ZNF609: variants seen among roughly 807,000 people sequenced by gnomAD.
ZNF609 encodes the protein zinc finger protein 609.
Under a neutral mutation model 109.5 loss-of-function variants are expected in ZNF609, and 11 were observed. The observed-to-expected ratio is 0.10, with a 90% CI of 0.06 to 0.17. The LOEUF (loss-of-function observed/expected upper bound fraction) is 0.17, where lower values mean the gene tolerates loss of function less well. Among genes scored for constraint, ZNF609 ranks in the 10% least tolerant of loss-of-function variants. The pLI is 1.00. For synonymous variants in ZNF609, 646 were observed against 662.0 expected, an observed-to-expected ratio of 0.98 and a Z score of 0.37; for missense variants, 1,559 against 1,772.4, an observed-to-expected ratio of 0.88 and a Z score of 2.16.
intron 1 of ZNF609, among the ~76,000 whole-genome samples, chr15:64,484,953 G>A (rs1273859798): frequency 6.6e-6 from 1 of 152,060 alleles, no homozygotes; most frequent in Non-Finnish European, 1.5e-5. Context: ...CAGCTTGGGC[G>A]ACAGCGAGAC....
chr15:64,633,635 C>G (rs1896120617), intron 3 of ZNF609, among the ~76,000 whole-genome samples: 1 of 152,180 alleles, frequency 6.6e-6, no homozygotes, highest in Admixed American at 6.5e-5. Context: ...ATTTTGTTCA[C>G]ATTTGCCCTA....
chr15:64,584,575 C>T (rs1595728246), intron 2 of ZNF609, among the ~76,000 whole-genome samples: 1 of 152,176 alleles, frequency 6.6e-6, no homozygotes, highest in African/African-American at 2.4e-5. Context: ...GCTGGGATTA[C>T]AGGAATGAGC....
chr15:64,486,511 G>C (rs1327113355), intron 1 of ZNF609, among the ~76,000 whole-genome samples: 1 of 133,976 alleles, frequency 7.5e-6, no homozygotes, highest in Non-Finnish European at 1.6e-5. Flanking sequence ...GTGACAGAGT[G>C]AGACTCTGTC....
chr15:64,578,156 T>A lies in ZNF609; in HGVS notation c.748-44671T>A, dbSNP rs567712317. ...TTTAAGATTTATTTATTTATTTTTT[T>A]ATTTTTTTGAGACAGTCTTGCACTG... On this transcript the variant is annotated intron_variant, in intron 2 of 9. Transcript: ENST00000326648. Among the ~76,000 whole-genome samples the A allele has an allele frequency of 1.6e-3, 246 of 152,248 alleles. 7 individuals carry two copies. The South Asian group carries it at 0.048, about 30-fold the overall frequency.
At chr15:64,513,624 T>A (rs1239572494) in intron 2 of ZNF609, among the ~76,000 whole-genome samples, 1 of 152,204 alleles carries the variant, frequency 6.6e-6, no homozygotes, top group East Asian at 1.9e-4. Flanking sequence ...AGTTTTTTCT[T>A]TAGCATTGAG....
chr15:64,598,196 ACT>A (rs781426319), intron 2 of ZNF609, among the ~76,000 whole-genome samples: 4 of 151,814 alleles, frequency 2.6e-5, no homozygotes, highest in Non-Finnish European at 5.9e-5. Flanking sequence ...CTCACTGCAA[ACT>A]CTGCCTCCTG....
intron 3 of ZNF609, 28 bp downstream of exon 3, chr15:64,623,080 CCT>C (rs768382970): frequency 1.2e-6 from 2 of 1,601,806 alleles, no homozygotes; most frequent in Admixed American, 3.3e-5. Context: ...CTTTCCCCTC[CCT>C]TCTCAACCTG....
At chr15:64,517,670 G>A (rs140710420) in intron 2 of ZNF609, among the ~76,000 whole-genome samples, 14 of 152,102 alleles carry the variant, frequency 9.2e-5, no homozygotes, top group Middle Eastern at 3.4e-3. Context: ...AGGAGTTCAA[G>A]TCCAGCTGGG....
At chr15:64,630,033 C>T (rs151047624) in intron 3 of ZNF609, among the ~76,000 whole-genome samples, 3 of 151,532 alleles carry the variant, frequency 2.0e-5, no homozygotes, top group Admixed American at 2.0e-4. Flanking sequence ...CAAAAATTTC[C>T]TTCTCTTTCC....
chr15:64,644,971 CTTT>C (rs1651404637), intron 3 of ZNF609, among the ~76,000 whole-genome samples: 1 of 140,502 alleles, frequency 7.1e-6, no homozygotes. Flanking sequence ...TTCTTTTCTT[CTTT>C]CTTTCTTTTT....
chr15:64,481,997 C>G (rs1037568843), intron 1 of ZNF609, among the ~76,000 whole-genome samples: 1 of 152,148 alleles, frequency 6.6e-6, no homozygotes, highest in Non-Finnish European at 1.5e-5. Flanking sequence ...GTTGATCAGG[C>G]TGGTCTCGAA....
At chr15:64,513,869 A>AC (rs1893768824) in intron 2 of ZNF609, among the ~76,000 whole-genome samples, 1 of 152,036 alleles carries the variant, frequency 6.6e-6, no homozygotes, top group Admixed American at 6.6e-5. Context: ...AGGTGGGAGG[A>AC]CTGCTTGAGC....
In ZNF609 at chr15:64,503,764, A is replaced by G. The variant is rs12437497; in HGVS notation, c.747+3598A>G. Among the ~76,000 whole-genome samples, 1,505 of 152,328 alleles carry G rather than the reference A, an allele frequency of 9.9e-3. 77 individuals carry two copies. The highest frequency in any genetic ancestry group is 0.088 in the Admixed American group (1,350 of 15,296). On this transcript the variant is annotated intron_variant, in intron 2 of 9. Coordinates refer to ENST00000326648, the MANE Select transcript of ZNF609 (RefSeq NM_015042.2). The stretch of plus-strand genomic sequence containing the variant: ...TGCACTTTGCTTTTCCCGTGTTTGA[A>G]TGTCAGCTTCTGCTGCTTTCAGAAT...
chr15:64,666,057 A>G (rs1396902473), intron 3 of ZNF609, among the ~76,000 whole-genome samples: 1 of 145,452 alleles, frequency 6.9e-6, no homozygotes, highest in Non-Finnish European at 1.5e-5. Flanking sequence ...CCTGGGCAAC[A>G]GAGCAAGACT....
At chr15:64,472,174 A>G (rs898230166) in intron 1 of ZNF609, among the ~76,000 whole-genome samples, 2 of 152,096 alleles carry the variant, frequency 1.3e-5, no homozygotes, top group Non-Finnish European at 2.9e-5. Context: ...CGGCCTCCCA[A>G]AGTGCTGGGA....
chr15:64,492,233 ACT>A (rs1893423782), intron 1 of ZNF609, among the ~76,000 whole-genome samples: 2 of 152,012 alleles, frequency 1.3e-5, no homozygotes, highest in Admixed American at 6.6e-5. Flanking sequence ...ACAGAGTGAG[ACT>A]CTGTCTCAAA....
intron 3 of ZNF609, among the ~76,000 whole-genome samples, chr15:64,643,507 C>G (rs1896291250): frequency 6.6e-6 from 1 of 152,016 alleles, no homozygotes; most frequent in Non-Finnish European, 1.5e-5. Flanking sequence ...ACATAGACAC[C>G]ATTAACAGGT....
chr15:64,515,885 C>T (rs1333218376), intron 2 of ZNF609, among the ~76,000 whole-genome samples: 1 of 150,538 alleles, frequency 6.6e-6, no homozygotes, highest in Non-Finnish European at 1.5e-5. Context: ...TTGCAGTGAG[C>T]TGAGATCGCG....
chr15:64,520,061 T>C (rs1299805330), intron 2 of ZNF609, among the ~76,000 whole-genome samples: 1 of 152,230 alleles, frequency 6.6e-6, no homozygotes, highest in African/African-American at 2.4e-5. Flanking sequence ...TGATCATTTA[T>C]GCTCTGTACC....
Sources: gnomAD v4.1 joint callset for allele counts (sites outside exome capture counted in the v4.1 genomes callset) on GRCh38, gnomAD v4.1.1 for gene constraint, MANE v1.5 for transcripts, NCBI Gene and HGNC (gene_info 2026-07-23, HGNC 2026-07-21) for gene names.